BPHL: variants seen among roughly 807,000 people sequenced by gnomAD.
BPHL encodes biphenyl hydrolase like, also known as serine hydrolase BPHL.
Under a neutral mutation model 31.2 loss-of-function variants are expected in BPHL, and 27 were observed. That is an observed-to-expected ratio of 0.87 (90% CI 0.64 to 1.19). BPHL has a LOEUF of 1.19. Among genes scored for constraint, BPHL ranks in the 50% most tolerant of loss-of-function variants. BPHL has a pLI of 0.00. For synonymous variants in BPHL, 150 were observed against 146.8 expected (o/e 1.02, Z -0.16); for missense variants, 356 against 375.7 (o/e 0.95, Z 0.43).
Position 3,149,352 on chromosome 6 carries a change from A to G in BPHL, c.789-3136A>G, listed in dbSNP as rs940868392. ...GGAAAGGCTTTGTCCTCCACACACC[A>G]CTTAAAAGCACCAACCCAGCAGCCC... is the stretch of plus-strand genomic sequence containing the variant. On this transcript the variant is annotated intron_variant, in intron 6 of 6. Transcript: ENST00000380379. The surrounding 1 kb of genome is among the most constrained non-coding windows in gnomAD (Gnocchi z 4.6). Among the ~76,000 whole-genome samples the G allele has an allele frequency of 4.0e-5, 3 of 75,142 alleles. No homozygotes were observed. The highest frequency in any genetic ancestry group is 7.7e-5 in the African/African-American group (1 of 12,960). The allele number at this position is 75,142 out of a possible 152,430, so 49.3% of individuals were successfully genotyped here. A position where few individuals can be genotyped will look rare whatever the true frequency, so the allele number is the denominator to read the frequency against.
intron 6 of BPHL, among the ~76,000 whole-genome samples, chr6:3,141,471 G>T (rs1196328179): frequency 2.0e-5 from 3 of 152,174 alleles, no homozygotes; most frequent in African/African-American, 7.2e-5. Context: ...AGGTTCAAGC[G>T]ATTCTCCCAC....
chr6:3,133,312 G>A (rs1010794276), intron 4 of BPHL, among the ~76,000 whole-genome samples: 2 of 151,966 alleles, frequency 1.3e-5, no homozygotes, highest in Non-Finnish European at 2.9e-5. Flanking sequence ...CGCCAGCCTC[G>A]TTGGTCCCGT....
At chr6:3,144,391 G>GTT (rs796426507) in intron 6 of BPHL, among the ~76,000 whole-genome samples, 1 of 130,286 alleles carries the variant, frequency 7.7e-6, no homozygotes, top group African/African-American at 3.0e-5. Context: ...TTTTTTTTTT[G>GTT]TTTTTTTTTT....
rs139693038 is a variant in BPHL at position 3,137,575 on chromosome 6, G to A, written c.664+82G>A. On this transcript the variant is annotated intron_variant, in intron 5 of 6. Coordinates refer to ENST00000380379, the MANE Select transcript of BPHL (RefSeq NM_004332.4). The stretch of plus-strand genomic sequence containing the variant: ...CCCCAGTGTTCTGGAATTGCTCAGT[G>A]ATTCATGAATCTGCCCATCGCCCTC... 7.4e-3 allele frequency: 11,539 copies of A among 1,567,398 alleles called. 56 individuals carry two copies. The highest frequency in any genetic ancestry group is 8.9e-3 in the Non-Finnish European group (10,234 of 1,146,120).
chr6:3,141,480 A>G (rs1441283281), intron 6 of BPHL, among the ~76,000 whole-genome samples: 1 of 152,094 alleles, frequency 6.6e-6, no homozygotes, highest in African/African-American at 2.4e-5. Context: ...CGATTCTCCC[A>G]CCTCAGTCTC....
intron 5 of BPHL, chr6:3,139,108 T>G (rs1041084057): frequency 6.6e-6 from 1 of 152,196 alleles, no homozygotes. Flanking sequence ...TCTGGGCAGG[T>G]AACTTAGCTT....
chr6:3,137,386 G>A lies in BPHL; in HGVS notation c.557G>A (p.Ser186Asn). The A allele has an allele frequency of 6.2e-7, 1 of 1,612,580 alleles. No individual in the cohort carries two copies. Among genetic ancestry groups the A allele is most frequent in the Non-Finnish European group, 8.5e-7 (1 of 1,179,766 alleles). The change falls in exon 5 of 7, where the codon AGT becomes AAT. Residue 186 changes from serine (S) to asparagine (N), a missense_variant. Physicochemically the swap from Ser to Asn is conservative, Grantham distance 46. Coordinates refer to ENST00000380379, the MANE Select transcript of BPHL (RefSeq NM_004332.4). Reference protein sequence around the residue: ...YEGIRDVSKWSERTRKPLEAL... With the variant: ...YEGIRDVSKWNERTRKPLEAL... ...GGCATCCGAGATGTTTCCAAATGGA[G>A]TGAGAGAACAAGAAAGCCTCTAGAA...
chr6:3,144,607 G>A (rs1762276299), intron 6 of BPHL, among the ~76,000 whole-genome samples: 1 of 151,530 alleles, frequency 6.6e-6, no homozygotes, highest in Admixed American at 6.6e-5. Context: ...GTCCAGGCTG[G>A]TCTTGAACTC....
Position 3,144,420 on chromosome 6 carries a change from C to T in BPHL, c.788+3911C>T, listed in dbSNP as rs546071332. ...TTTTTTTTAAGAGACAGGGCTTGCA[C>T]TGTCATCCAGGCTGGAGTGCAGTGG... is the stretch of plus-strand genomic sequence containing the variant. On this transcript the variant is annotated intron_variant, in intron 6 of 6. Coordinates refer to ENST00000380379, the MANE Select transcript of BPHL (RefSeq NM_004332.4). Among the ~76,000 whole-genome samples the T allele has an allele frequency of 2.7e-4, 37 of 137,590 alleles. 1 individual carries two copies. The South Asian group carries it at 8.3e-3, about 31-fold the overall frequency. The allele number at this position is 137,590 out of a possible 152,430, so 90.3% of individuals were successfully genotyped here.
Position 3,152,923 on chromosome 6 carries a change from T to G in BPHL, c.*348T>G, listed in dbSNP as rs1424382395. 1 of 168,432 alleles carries G rather than the reference T, an allele frequency of 5.9e-6. No homozygotes were observed. Among genetic ancestry groups the G allele is most frequent in the East Asian group, 1.7e-4 (1 of 5,948 alleles). 10.4% of individuals were successfully genotyped at this position (168,432 alleles called of 1,614,324 possible). A position where few individuals can be genotyped will look rare whatever the true frequency, so the allele number is the denominator to read the frequency against. On this transcript the variant is annotated 3_prime_UTR_variant, in exon 7 of 7. Coordinates refer to ENST00000380379, the MANE Select transcript of BPHL (RefSeq NM_004332.4). ...GGCACACATCTGTGGTCCCAGGTGC[T>G]CAGGAAGCTGAGGTGGGAGGATCAC...
At chr6:3,122,766 AAAAC>A (rs1303655897) in intron 1 of BPHL, among the ~76,000 whole-genome samples, 1 of 152,212 alleles carries the variant, frequency 6.6e-6, no homozygotes, top group Non-Finnish European at 1.5e-5. Flanking sequence ...AACATCTTAA[AAAAC>A]AGTAGGATTT....
At chr6:3,128,219 G>A (rs906496795) in intron 3 of BPHL, among the ~76,000 whole-genome samples, 2 of 152,090 alleles carry the variant, frequency 1.3e-5, no homozygotes. Flanking sequence ...TTGCTCGTGG[G>A]CATTTTCATT....
chr6:3,124,952 G>A (rs1294687260), intron 2 of BPHL, among the ~76,000 whole-genome samples: 1 of 152,112 alleles, frequency 6.6e-6, no homozygotes, highest in Non-Finnish European at 1.5e-5. Context: ...CATGGCTGAT[G>A]GGGAGCTAAA....
At chr6:3,137,215 T>C (rs1338172386) in intron 4 of BPHL, 147 bp from the exon 5 acceptor site, 2 of 1,080,364 alleles carry the variant, frequency 1.9e-6, no homozygotes, top group Non-Finnish European at 2.7e-6. Flanking sequence ...CAACCAGGGC[T>C]AAGCCGAGCA....
In BPHL at chr6:3,149,218, C is replaced by T. The variant is rs537704866; in HGVS notation, c.789-3270C>T. On this transcript the variant is annotated intron_variant, in intron 6 of 6. Transcript: ENST00000380379. This position sits in a 1 kb window ranked among gnomAD's most constrained non-coding sequence, Gnocchi z 4.6. Reference sequence around the variant, plus strand: ...CAAAACTGTCCTGGCCCCGTAAAGCCAGTGTTTTCCTCCCACGATGATGCC... The same window carrying T: ...CAAAACTGTCCTGGCCCCGTAAAGCTAGTGTTTTCCTCCCACGATGATGCC... Among the ~76,000 whole-genome samples the T allele has an allele frequency of 1.3e-5, 2 of 152,146 alleles. No homozygotes were observed. Among genetic ancestry groups the T allele is most frequent in the Non-Finnish European group, 1.5e-5 (1 of 68,020 alleles).
chr6:3,133,275 A>C (rs7738492), intron 4 of BPHL, among the ~76,000 whole-genome samples: 148,722 of 152,104 alleles, frequency 0.98, 72,722 homozygotes, highest in East Asian at 1. Context: ...ATCTTGCCCT[A>C]CCCCTCTCTC....
intron 2 of BPHL, 35 bp from the exon 3 acceptor site, chr6:3,127,207 C>T (rs1226203657): frequency 2.1e-6 from 3 of 1,429,530 alleles, no homozygotes; most frequent in Non-Finnish European, 1.9e-6. Context: ...ATAGTGAAAG[C>T]GATCACCTGA....
intron 6 of BPHL, among the ~76,000 whole-genome samples, chr6:3,150,972 T>C (rs1212144004): frequency 1.3e-5 from 2 of 152,210 alleles, no homozygotes; most frequent in African/African-American, 4.8e-5. Flanking sequence ...CCCCAAGATC[T>C]AGAGATTAGG....
In BPHL at chr6:3,149,552, A is replaced by G. The variant is rs534704420; in HGVS notation, c.789-2936A>G. 6.6e-6 allele frequency among the ~76,000 whole-genome samples: 1 copy of G among 152,266 alleles called. No individual in the cohort carries two copies. Among genetic ancestry groups the G allele is most frequent in the South Asian group, 2.1e-4 (1 of 4,818 alleles). ...CCCAAATGCCTGGTCAGCCCTAACC[A>G]GAGGAGAGCCTGGCCAGCCAGGGCA... is the stretch of plus-strand genomic sequence containing the variant. On this transcript the variant is annotated intron_variant, in intron 6 of 6. Coordinates refer to ENST00000380379, the MANE Select transcript of BPHL (RefSeq NM_004332.4). The surrounding 1 kb of genome is among the most constrained non-coding windows in gnomAD (Gnocchi z 4.6).
Sources: allele counts gnomAD v4.1 joint callset (sites outside exome capture counted in the v4.1 genomes callset), GRCh38; gene constraint gnomAD v4.1.1; non-coding constraint Gnocchi (gnomAD v3.1); transcripts MANE v1.5; gene names NCBI Gene and HGNC (gene_info 2026-07-23, HGNC 2026-07-21).